Variants in DHX35 observed in about 807,000 individuals in gnomAD.
DHX35 encodes the protein probable ATP-dependent RNA helicase DHX35.
Under a neutral mutation model 99.6 loss-of-function variants are expected in DHX35, and 84 were observed. The observed-to-expected ratio is 0.84, with a 90% CI of 0.71 to 1.01. DHX35 has a LOEUF of 1.01. DHX35 is among the 50% of genes least tolerant of loss of function. The pLI is 0.00. For synonymous variants in DHX35, 331 were observed against 316.2 expected (o/e 1.05, Z -0.50); for missense variants, 852 against 888.5 (o/e 0.96, Z 0.52).
intron 3 of DHX35, chr20:38,977,773 C>CT (rs2086104283): frequency 4.4e-6 from 2 of 457,980 alleles, no homozygotes; most frequent in African/African-American, 4.1e-5. Flanking sequence ...GAATTTTTTT[C>CT]TTGTTTTTTG....
chr20:38,986,313 T>G (rs1249195257), intron 4 of DHX35, among the ~76,000 whole-genome samples: 1 of 152,052 alleles, frequency 6.6e-6, no homozygotes, highest in African/African-American at 2.4e-5. Flanking sequence ...AAAAATCTAT[T>G]AAAAAGCCAA....
chr20:38,975,660 A>C (rs2086064673), intron 3 of DHX35, among the ~76,000 whole-genome samples: 2 of 152,202 alleles, frequency 1.3e-5, no homozygotes. Context: ...AGAACCTGAA[A>C]ATCTCAGTGG....
intron 17 of DHX35, among the ~76,000 whole-genome samples, 162 bp from the exon 18 acceptor site, chr20:39,025,068 A>G (rs571326367): frequency 6.6e-6 from 1 of 152,326 alleles, no homozygotes; most frequent in Admixed American, 6.5e-5. Context: ...AAGGTTGTTA[A>G]CATCTGTTTT....
chr20:38,981,040 T>C (rs1387209367), intron 3 of DHX35, among the ~76,000 whole-genome samples: 6 of 152,356 alleles, frequency 3.9e-5, no homozygotes, highest in Admixed American at 3.9e-4. Context: ...GCAAGAATAC[T>C]ACAGAAATGA....
chr20:39,022,063 T>A (rs1600438732), intron 16 of DHX35, 128 bp downstream of exon 16: 3 of 833,090 alleles, frequency 3.6e-6, no homozygotes, highest in East Asian at 5.1e-5. Context: ...GTTTTGAGTG[T>A]TTATTCCGTG....
At chr20:38,999,859 C>T (rs1282776458) in intron 8 of DHX35, among the ~76,000 whole-genome samples, 8 of 152,224 alleles carry the variant, frequency 5.3e-5, no homozygotes, top group Middle Eastern at 3.2e-3. Flanking sequence ...TCTTGCCCAT[C>T]GAATAAAGTG....
intron 1 of DHX35, among the ~76,000 whole-genome samples, chr20:38,963,309 G>A (rs1197759754): frequency 2.0e-5 from 3 of 152,152 alleles, no homozygotes; most frequent in Non-Finnish European, 4.4e-5. Flanking sequence ...GTCTGGATGT[G>A]CAAAGTATAT....
At chr20:39,038,473 CTGTAG>C (rs1160479847) in intron 21 of DHX35, 21 bp from the exon 22 acceptor site, 1 of 1,613,570 alleles carries the variant, frequency 6.2e-7, no homozygotes, top group Non-Finnish European at 8.5e-7. Flanking sequence ...TCAACCCCAA[CTGTAG>C]TGTCTTCTCT....
At chr20:38,977,910 T>G in intron 3 of DHX35, 1 of 584,624 alleles carries the variant, frequency 1.7e-6, no homozygotes, top group Non-Finnish European at 3.2e-6. Flanking sequence ...TTTCTTCAGT[T>G]TCCTCATCAT....
In DHX35 at chr20:39,010,169, A is replaced by G. The variant is rs571488354; in HGVS notation, c.1223-111A>G. On this transcript the variant is annotated intron_variant, in intron 12 of 21. Coordinates refer to ENST00000252011, the MANE Select transcript of DHX35 (RefSeq NM_021931.4). The stretch of plus-strand genomic sequence containing the variant: ...CATGGTATCATGTGCATCTGCTTCT[A>G]GAATCCTAGAGACCCTTGTTCAAGA... 3.4e-6 allele frequency: 5 copies of G among 1,450,252 alleles called. No homozygotes were observed. The African/African-American group carries it at 7.1e-5, about 21-fold the overall frequency. 89.8% of individuals were successfully genotyped at this position (1,450,252 alleles called of 1,614,324 possible).
chr20:39,031,101 G>A (rs1031816042), intron 20 of DHX35, among the ~76,000 whole-genome samples: 12 of 151,940 alleles, frequency 7.9e-5, no homozygotes, highest in African/African-American at 2.9e-4. Context: ...GGCAGAGGTT[G>A]CAGTGAGCTG....
At chr20:39,035,792 T>C (rs1157300708) in intron 21 of DHX35, among the ~76,000 whole-genome samples, 1 of 152,206 alleles carries the variant, frequency 6.6e-6, no homozygotes, top group Non-Finnish European at 1.5e-5. Flanking sequence ...TCCTCATCTC[T>C]CCTGCTCCAG....
Position 39,010,375 on chromosome 20 carries a change from GA to G in DHX35, c.1319del (p.Asp440AlafsTer36). The G allele has an allele frequency of 6.2e-7, 1 of 1,614,158 alleles. No individual in the cohort carries two copies. Among genetic ancestry groups the G allele is most frequent in the African/African-American group, 1.3e-5 (1 of 75,044 alleles). ...CCTGCAGCTGAAAGCACTAGGAATTGACAATGTCCTCAGGTTCCACTTCATG... is the reference window on the plus strand; with the variant it reads ...CCTGCAGCTGAAAGCACTAGGAATTGCAATGTCCTCAGGTTCCACTTCATG... The part of the protein sequence containing the change: ...VILQLKALGI[D>X]NVLRFHFMSP... On this transcript the variant is annotated frameshift_variant, in exon 13 of 22. Coordinates refer to ENST00000252011, the MANE Select transcript of DHX35 (RefSeq NM_021931.4). LOFTEE classifies it high-confidence loss of function.
At chr20:38,997,485 A>G (rs527886410) in intron 8 of DHX35, among the ~76,000 whole-genome samples, 1 of 152,360 alleles carries the variant, frequency 6.6e-6, no homozygotes, top group Non-Finnish European at 1.5e-5. Context: ...TAGTTGATAT[A>G]GATGACTTTC....
At chr20:38,975,915 G>A (rs2086068441) in intron 3 of DHX35, among the ~76,000 whole-genome samples, 1 of 152,176 alleles carries the variant, frequency 6.6e-6, no homozygotes, top group Non-Finnish European at 1.5e-5. Context: ...GCAACGGGGT[G>A]ACAGTGTATA....
At chr20:39,019,028 C>A (rs1464415219) in intron 15 of DHX35, 129 bp downstream of exon 15, 1 of 790,792 alleles carries the variant, frequency 1.3e-6, no homozygotes, top group Non-Finnish European at 2.0e-6. Flanking sequence ...TGTAACATAA[C>A]ATTTATTGTT....
At chr20:39,036,630 G>T (rs889937663) in intron 21 of DHX35, among the ~76,000 whole-genome samples, 27 of 150,026 alleles carry the variant, frequency 1.8e-4, no homozygotes, top group African/African-American at 6.6e-4. Context: ...GGAGGCTGAG[G>T]CAGGAGAATC....
At chr20:39,021,772 C>G in intron 15 of DHX35, 69 bp from the exon 16 acceptor site, 4 of 1,453,320 alleles carry the variant, frequency 2.8e-6, no homozygotes, top group Non-Finnish European at 3.9e-6. Context: ...AGGAAAGTAT[C>G]AGAAAATGTC....
At position 39,023,756 on chromosome 20, in the gene DHX35, G is replaced by A. The variant is rs760831279; in HGVS notation, c.1660G>A (p.Ala554Thr). Reference sequence around the variant, plus strand: ...CCTCACTATGCTCAATATATATGAAGCATTTATCAAAGTAAGCACAACTAC... The same window carrying A: ...CCTCACTATGCTCAATATATATGAAACATTTATCAAAGTAAGCACAACTAC... ...DHLTMLNIYE[A>T]FIKHNKDSKW... Residue 554 changes from alanine (A) to threonine (T), a missense_variant, in exon 17 of 22, where the codon GCA becomes ACA. By Grantham distance (58) the Ala-to-Thr change is moderately conservative (BLOSUM62 0). Transcript: ENST00000252011. 3.7e-6 allele frequency: 6 copies of A among 1,613,870 alleles called. No individual in the cohort carries two copies. In the Admixed American group the frequency reaches 1.0e-4, roughly 27 times the overall value.
Sources: allele counts gnomAD v4.1 joint callset (sites outside exome capture counted in the v4.1 genomes callset), GRCh38; gene constraint gnomAD v4.1.1; transcripts MANE v1.5; gene names NCBI Gene and HGNC (gene_info 2026-07-23, HGNC 2026-07-21).